NXPE4: variants seen among roughly 807,000 people sequenced by gnomAD.
The protein encoded by NXPE4 is NXPE family member 4.
In NXPE4, 42 loss-of-function variants were observed where a neutral mutation model predicts 33.3. That is an observed-to-expected ratio of 1.26 (90% confidence interval 0.98 to 1.63). The LOEUF is 1.63. Ranked by LOEUF, NXPE4 falls within the 40% of genes most tolerant of loss-of-function variation. The probability of loss-of-function intolerance (pLI) is 0.00; values close to 1 mark genes in which losing one functional copy is unlikely to be tolerated. For synonymous variants in NXPE4, 253 were observed against 234.9 expected (o/e 1.08, Z -0.71); for missense variants, 709 against 647.6 (o/e 1.09, Z -1.03).
the NXPE4 span, among the ~76,000 whole-genome samples, chr11:114,629,793 T>G: frequency 6.6e-6 from 1 of 150,738 alleles, no homozygotes. Context: ...GCCCAAAATC[T>G]CCTCAAGCTG....
chr11:114,597,789 C>T (rs1591360406), upstream of NXPE4, among the ~76,000 whole-genome samples: 1 of 151,972 alleles, frequency 6.6e-6, no homozygotes, highest in African/African-American at 2.4e-5. Context: ...TGAAAGAGCT[C>T]CTGATGACCA....
chr11:114,651,509 C>T, the NXPE4 span, among the ~76,000 whole-genome samples: 1 of 152,174 alleles, frequency 6.6e-6, no homozygotes, highest in African/African-American at 2.4e-5. Flanking sequence ...AAGAACAAAC[C>T]TGCCACAGCA....
At chr11:114,651,455 G>T in the NXPE4 span, among the ~76,000 whole-genome samples, 1 of 152,152 alleles carries the variant, frequency 6.6e-6, no homozygotes, top group South Asian at 2.1e-4. Flanking sequence ...AAGGTAGTGT[G>T]GACCCAAAGA....
At chr11:114,571,928 GCTGGAGGC>G (rs1948897960) in intron 5 of NXPE4, among the ~76,000 whole-genome samples, 1 of 152,216 alleles carries the variant, frequency 6.6e-6, no homozygotes, top group Admixed American at 6.5e-5. Flanking sequence ...CCACCTGCTG[GCTGGAGGC>G]CAACGAACAC....
intron 3 of NXPE4, 71 bp downstream of exon 3, chr11:114,582,217 T>G: frequency 6.8e-7 from 1 of 1,473,250 alleles, no homozygotes; most frequent in Non-Finnish European, 9.1e-7. Context: ...TCACAAGACT[T>G]TTCTTTGGAT....
the NXPE4 span, among the ~76,000 whole-genome samples, chr11:114,630,895 T>G: frequency 6.6e-6 from 1 of 151,698 alleles, no homozygotes; most frequent in Non-Finnish European, 1.5e-5. Context: ...AAAGAAGACA[T>G]TTATGCAGCC....
the NXPE4 span, among the ~76,000 whole-genome samples, chr11:114,612,115 C>T: frequency 6.6e-6 from 1 of 151,838 alleles, no homozygotes; most frequent in East Asian, 1.9e-4. Flanking sequence ...CCACTGTTAC[C>T]TGGTGGATAA....
At chr11:114,587,419 C>G (rs889793195) in intron 2 of NXPE4, among the ~76,000 whole-genome samples, 5 of 152,200 alleles carry the variant, frequency 3.3e-5, no homozygotes, top group African/African-American at 1.2e-4. Flanking sequence ...CCTGCATTCT[C>G]TATTAAAGGG....
chr11:114,583,307 G>T, intron 2 of NXPE4: 1 of 632,186 alleles, frequency 1.6e-6, no homozygotes. Flanking sequence ...CGATAGGGGT[G>T]TTGGAAATTA....
At chr11:114,651,609 T>C in the NXPE4 span, among the ~76,000 whole-genome samples, 2 of 152,190 alleles carry the variant, frequency 1.3e-5, no homozygotes, top group Non-Finnish European at 2.9e-5. Context: ...TACTGATTGG[T>C]CCATTTTACA....
the NXPE4 span, among the ~76,000 whole-genome samples, chr11:114,627,164 G>A: frequency 3.7e-4 from 57 of 152,018 alleles, no homozygotes; most frequent in Middle Eastern, 3.2e-3. Context: ...AGGAAATACA[G>A]AGAACGCCAC....
the NXPE4 span, among the ~76,000 whole-genome samples, chr11:114,635,154 T>C: frequency 6.6e-6 from 1 of 150,992 alleles, no homozygotes; most frequent in Non-Finnish European, 1.5e-5. Flanking sequence ...CAGTGGTTTG[T>C]AGTTCTCCTT....
chr11:114,642,791 G>C, the NXPE4 span, among the ~76,000 whole-genome samples: 1 of 152,038 alleles, frequency 6.6e-6, no homozygotes, highest in Non-Finnish European at 1.5e-5. Context: ...TACTGGGCTT[G>C]CTGGGTCAAA....
At chr11:114,617,094 T>C in the NXPE4 span, among the ~76,000 whole-genome samples, 2 of 151,822 alleles carry the variant, frequency 1.3e-5, no homozygotes, top group African/African-American at 2.4e-5. Flanking sequence ...AATGCATGGA[T>C]AATAAGTGTT....
Position 114,582,974 on chromosome 11 carries a change from G to A in NXPE4, c.144C>T (p.Asn48=), listed in dbSNP as rs1413363649. Residue 48 remains asparagine, a synonymous_variant, in exon 3 of 6, where the codon AAC becomes AAT. Coordinates refer to ENST00000375478, the MANE Select transcript of NXPE4 (RefSeq NM_001077639.2). The stretch of plus-strand genomic sequence containing the variant: ...TTTTAGGGAATAAGGACTTTGTGGA[G>A]TTGTTCCAGTAATGGAGGGAGATGG... ...NLSISLHYWN[N]STKSLFPKTP... 2 of 1,613,842 alleles carry A rather than the reference G, an allele frequency of 1.2e-6. No homozygotes were observed. The highest frequency in any genetic ancestry group is 1.3e-5 in the African/African-American group (1 of 74,886).
At chr11:114,587,100 C>A (rs912986100) in intron 2 of NXPE4, among the ~76,000 whole-genome samples, 1 of 152,174 alleles carries the variant, frequency 6.6e-6, no homozygotes, top group South Asian at 2.1e-4. Context: ...ACACTCTTAA[C>A]TTCCTAATTC....
rs1489595653 is a variant in NXPE4 at position 114,582,299 on chromosome 11, G to T, written c.819C>A (p.Ser273Arg). The change falls in exon 3 of 6, where the codon AGC becomes AGA. Residue 273 changes from serine (S) to arginine (R), a missense_variant. Transcript: ENST00000375478. ...KVSYLSKQEK[S>R]LFERSNVGVE... is the part of the protein sequence containing the mutation. ...GTAATTATTTTTACCTTTCAAAGAG[G>T]CTCTTTTCTTGTTTGCTAAGATAAG... 11 of 1,573,192 alleles carry T rather than the reference G, an allele frequency of 7.0e-6. No homozygotes were observed. The highest frequency in any genetic ancestry group is 1.9e-5 in the Admixed American group (1 of 52,836).
At chr11:114,635,503 T>G in the NXPE4 span, among the ~76,000 whole-genome samples, 14 of 152,042 alleles carry the variant, frequency 9.2e-5, no homozygotes, top group African/African-American at 3.4e-4. Flanking sequence ...AGCACTCTGA[T>G]GAATAGGAGT....
chr11:114,630,132 A>G, the NXPE4 span, among the ~76,000 whole-genome samples: 3 of 151,810 alleles, frequency 2.0e-5, no homozygotes, highest in South Asian at 6.2e-4. Context: ...GTACCCATCA[A>G]GCTACCAATG....
Sources: gnomAD v4.1 joint callset for allele counts (sites outside exome capture counted in the v4.1 genomes callset) on GRCh38, gnomAD v4.1.1 for gene constraint, MANE v1.5 for transcripts, NCBI Gene and HGNC (gene_info 2026-07-23, HGNC 2026-07-21) for gene names.